The following UBAP2 variants were observed in gnomAD, a reference collection of about 807,000 sequenced individuals.
UBAP2 encodes ubiquitin associated protein 2, also known as ubiquitin-associated protein 2.
UBAP2 carries 75 observed loss-of-function variants against 139.6 expected under a neutral mutation model. That is an observed-to-expected ratio of 0.54 (90% confidence interval 0.45 to 0.65). The LOEUF (loss-of-function observed/expected upper bound fraction) is 0.65. UBAP2 is among the 30% of genes least tolerant of loss of function. UBAP2 has a pLI of 0.00. For missense variants in UBAP2, 1,368 were observed against 1,369.6 expected, an observed-to-expected ratio of 1.00 and a Z score of 0.02; for synonymous variants, 526 against 526.2, an observed-to-expected ratio of 1.00 and a Z score of 0.01.
At chr9:33,978,442 T>A (rs908677004) in intron 6 of UBAP2, among the ~76,000 whole-genome samples, 10 of 152,148 alleles carry the variant, frequency 6.6e-5, no homozygotes, top group Admixed American at 5.2e-4. Context: ...GCACTTGTAC[T>A]ATATAGACCG....
intron 22 of UBAP2, among the ~76,000 whole-genome samples, chr9:33,924,811 TAGG>T (rs1172673799): frequency 6.6e-6 from 1 of 152,228 alleles, no homozygotes; most frequent in Non-Finnish European, 1.5e-5. Context: ...TGACATGGCC[TAGG>T]ACAAGCTTGT....
chr9:33,957,196 ACATTT>A (rs1826643715), intron 10 of UBAP2, among the ~76,000 whole-genome samples: 1 of 152,188 alleles, frequency 6.6e-6, no homozygotes, highest in African/African-American at 2.4e-5. Context: ...CAGTAATTTT[ACATTT>A]CATTTTTATT....
chr9:34,030,570 C>A (rs1171031851), intron 1 of UBAP2, among the ~76,000 whole-genome samples: 1 of 152,068 alleles, frequency 6.6e-6, no homozygotes, highest in African/African-American at 2.4e-5. Flanking sequence ...CTGCAGTATG[C>A]CGTGATCACG....
At chr9:34,039,315 G>A (rs541085291) in intron 1 of UBAP2, among the ~76,000 whole-genome samples, 1 of 152,268 alleles carries the variant, frequency 6.6e-6, no homozygotes, top group Non-Finnish European at 1.5e-5. Context: ...GGGAAGTGAG[G>A]AGCCCCTCTG....
At chr9:33,993,896 C>CTTTTT (rs34361153) in intron 4 of UBAP2, among the ~76,000 whole-genome samples, 34 of 137,264 alleles carry the variant, frequency 2.5e-4, no homozygotes, top group East Asian at 1.9e-3. Flanking sequence ...GCTTTGCTTT[C>CTTTTT]TTTTTTTTTT....
At chr9:33,980,392 C>CT in intron 6 of UBAP2, among the ~76,000 whole-genome samples, 1 of 147,232 alleles carries the variant, frequency 6.8e-6, no homozygotes, top group Non-Finnish European at 1.5e-5. Context: ...GCCACCACAC[C>CT]AGCTAATCTT....
At chr9:34,038,815 C>T (rs562617068) in intron 1 of UBAP2, among the ~76,000 whole-genome samples, 3 of 151,518 alleles carry the variant, frequency 2.0e-5, no homozygotes, top group South Asian at 4.2e-4. Context: ...TCTTCCTGGC[C>T]GCCATCCCGT....
intron 1 of UBAP2, among the ~76,000 whole-genome samples, chr9:34,038,727 T>A (rs991864037): frequency 6.6e-6 from 1 of 150,524 alleles, no homozygotes; most frequent in African/African-American, 2.5e-5. Flanking sequence ...GTGAGGAGCA[T>A]CTCTGCCTGG....
intron 1 of UBAP2, among the ~76,000 whole-genome samples, chr9:34,045,155 G>C (rs1055303055): frequency 6.6e-6 from 1 of 151,888 alleles, no homozygotes; most frequent in Admixed American, 6.6e-5. Context: ...AGACCATCTG[G>C]CTAACACTGT....
At chr9:34,032,909 C>T (rs1826009594) in intron 1 of UBAP2, among the ~76,000 whole-genome samples, 1 of 128,672 alleles carries the variant, frequency 7.8e-6, no homozygotes, top group Non-Finnish European at 1.7e-5. Flanking sequence ...GAGCAAGACC[C>T]TGTCTTCAAA....
rs555606469 is a variant in UBAP2 at position 33,932,613 on chromosome 9, G to A, written c.2124C>T (p.His708=). ...LSQLSSSLSS[H]QSSLSAHAAL... is the part of the protein sequence containing the mutation. ...CTGCATGTGCAGAGAGGCTGCTCTG[G>A]TGGCTGGAGAGCGAACTAGAAGACA... The change falls in exon 19 of 29, where the codon CAC becomes CAT. Residue 708 remains histidine, a synonymous_variant. Transcript: ENST00000379238. 2 of 1,614,102 alleles carry A rather than the reference G, an allele frequency of 1.2e-6. No individual in the cohort carries two copies. Among genetic ancestry groups the A allele is most frequent in the Non-Finnish European group, 1.7e-6 (2 of 1,180,036 alleles).
intron 1 of UBAP2, among the ~76,000 whole-genome samples, chr9:34,036,025 A>G (rs1338522346): frequency 1.3e-5 from 2 of 152,136 alleles, no homozygotes; most frequent in Non-Finnish European, 2.9e-5. Context: ...ACAAAGCAAA[A>G]TAACAGCAAA....
intron 4 of UBAP2, among the ~76,000 whole-genome samples, chr9:33,990,454 T>C (rs1821605022): frequency 6.6e-6 from 1 of 152,098 alleles, no homozygotes; most frequent in Non-Finnish European, 1.5e-5. Context: ...ACATATTTAA[T>C]TAGATATAAA....
chr9:34,038,413 C>T (rs561394718), intron 1 of UBAP2, among the ~76,000 whole-genome samples: 33 of 152,320 alleles, frequency 2.2e-4, no homozygotes, highest in African/African-American at 5.8e-4. Flanking sequence ...CTGCCAAGTG[C>T]CTGCGATTGC....
At chr9:34,044,738 C>T (rs550888944) in intron 1 of UBAP2, among the ~76,000 whole-genome samples, 4 of 151,964 alleles carry the variant, frequency 2.6e-5, no homozygotes, top group East Asian at 1.9e-4. Flanking sequence ...TGTTGGCAGG[C>T]GCCTGTAACC....
At position 34,016,370 on chromosome 9, in the gene UBAP2, C is replaced by CGGCGGTGGTGGTGGTGGTGGT. The variant is rs1321174650; in HGVS notation, c.99+679_99+680insACCACCACCACCACCACCGCC. Among the ~76,000 whole-genome samples the CGGCGGTGGTGGTGGTGGTGGT allele has an allele frequency of 5.8e-4, 54 of 93,734 alleles. 1 individual carries two copies. Among genetic ancestry groups the CGGCGGTGGTGGTGGTGGTGGT allele is most frequent in the African/African-American group, 2.3e-3 (47 of 20,546 alleles). The allele number at this position is 93,734 out of a possible 152,430, so 61.5% of individuals were successfully genotyped here. A position where few individuals can be genotyped will look rare whatever the true frequency, so the allele number is the denominator to read the frequency against. On this transcript the variant is annotated intron_variant, in intron 2 of 28. Transcript: ENST00000379238. ...GAGGAGGCAGCAGCGGCGGCAGCGG[C>CGGCGGTGGTGGTGGTGGTGGT]GGTGGTGGTGGTGGTGGTGGTGGTG...
At chr9:33,946,433 G>T (rs1201432348) in intron 13 of UBAP2, among the ~76,000 whole-genome samples, 1 of 152,098 alleles carries the variant, frequency 6.6e-6, no homozygotes, top group Non-Finnish European at 1.5e-5. Context: ...CTGGCATTTT[G>T]GCATAGAGAT....
At chr9:33,936,926 C>CAAAAAAAAA (rs66465145) in intron 16 of UBAP2, among the ~76,000 whole-genome samples, 4 of 59,794 alleles carry the variant, frequency 6.7e-5, no homozygotes, top group Admixed American at 2.7e-4. Context: ...AACTCCAGCT[C>CAAAAAAAAA]AAAAAAAAAA....
chr9:34,011,613 A>G, intron 2 of UBAP2: 1 of 986,634 alleles, frequency 1.0e-6, no homozygotes, highest in Non-Finnish European at 1.2e-6. Context: ...ATAAGAGTAT[A>G]ATAGGGAAGT....
Sources: allele counts gnomAD v4.1 joint callset (sites outside exome capture counted in the v4.1 genomes callset), GRCh38; gene constraint gnomAD v4.1.1; transcripts MANE v1.5; gene names NCBI Gene and HGNC (gene_info 2026-07-23, HGNC 2026-07-21).